The following TOM1 variants were observed in gnomAD, a reference collection of about 807,000 sequenced individuals.
TOM1 encodes the protein target of myb1 membrane trafficking protein.
A neutral mutation model predicts 61.3 loss-of-function variants in TOM1; 38 were observed. The ratio of observed to expected loss-of-function variants is 0.62; its 90% CI spans 0.48 to 0.81. TOM1 has a LOEUF of 0.81. TOM1 is among the 40% of genes least tolerant of loss of function. The pLI is 0.00. For synonymous variants in TOM1, 270 were observed against 268.8 expected (o/e 1.00, Z -0.04); for missense variants, 591 against 659.6 (o/e 0.90, Z 1.14).
intron 1 of TOM1, 93 bp downstream of exon 1, chr22:35,300,073 A>T (rs1465417443): frequency 7.1e-6 from 10 of 1,417,490 alleles, no homozygotes; most frequent in Non-Finnish European, 9.6e-6. Context: ...TCACGGAGGC[A>T]GGGAGGGCAA....
At chr22:35,300,054 G>C in intron 1 of TOM1, 74 bp downstream of exon 1, 27 of 1,517,028 alleles carry the variant, frequency 1.8e-5, no homozygotes, top group Middle Eastern at 1.8e-4. Flanking sequence ...GAAGCCTCCG[G>C]GTGCCTAGTC....
chr22:35,333,655 C>T (rs1168435298), intron 10 of TOM1, among the ~76,000 whole-genome samples, 158 bp downstream of exon 10: 1 of 152,186 alleles, frequency 6.6e-6, no homozygotes, highest in Non-Finnish European at 1.5e-5. Flanking sequence ...CAAGGTGGGG[C>T]ACTCGGGGTC....
chr22:35,323,353 C>G lies in TOM1; in HGVS notation c.367-143C>G. 7.4e-7 allele frequency: 1 copy of G among 1,352,418 alleles called. No homozygotes were observed. Among genetic ancestry groups the G allele is most frequent in the Non-Finnish European group, 1.0e-6 (1 of 988,420 alleles). 83.8% of individuals were successfully genotyped at this position (1,352,418 alleles called of 1,614,324 possible). A position where few individuals can be genotyped will look rare whatever the true frequency, so the allele number is the denominator to read the frequency against. ...GGGAGGGAGGCTTGCCAACTGCGTGCTTTGCTGTGGAGTGGGCAGGGCAGA... is the reference window on the plus strand; with the variant it reads ...GGGAGGGAGGCTTGCCAACTGCGTGGTTTGCTGTGGAGTGGGCAGGGCAGA... On this transcript the variant is annotated intron_variant, in intron 4 of 14. Coordinates refer to ENST00000449058, the MANE Select transcript of TOM1 (RefSeq NM_005488.3). The surrounding 1 kb of genome is among the most constrained non-coding windows in gnomAD (Gnocchi z 4.2).
intron 6 of TOM1, among the ~76,000 whole-genome samples, chr22:35,326,877 G>A (rs1928365360): frequency 6.6e-6 from 1 of 152,130 alleles, no homozygotes; most frequent in African/African-American, 2.4e-5. Context: ...GGAGGAGAGA[G>A]AGAGGGCAGA....
intron 7 of TOM1, among the ~76,000 whole-genome samples, chr22:35,327,725 C>T (rs739015): frequency 0.054 from 8,238 of 152,248 alleles, 282 homozygotes; most frequent in Non-Finnish European, 0.075. Flanking sequence ...GTAAAGCACC[C>T]AGTAAGGGGT....
In TOM1 at chr22:35,328,743, C is replaced by T. The variant is rs562588594; in HGVS notation, c.765+1356C>T. Among the ~76,000 whole-genome samples, 454 of 152,292 alleles carry T rather than the reference C, an allele frequency of 3.0e-3. 1 individual carries two copies. Among genetic ancestry groups the T allele is most frequent in the Non-Finnish European group, 4.4e-3 (300 of 68,032 alleles). ...GGGGCAGGGGACAGGGTCCACATGACAGCCAAAATAAACACTGGGCAGTGC... is the reference window on the plus strand; with the variant it reads ...GGGGCAGGGGACAGGGTCCACATGATAGCCAAAATAAACACTGGGCAGTGC... On this transcript the variant is annotated intron_variant, in intron 7 of 14. Coordinates refer to ENST00000449058, the MANE Select transcript of TOM1 (RefSeq NM_005488.3).
chr22:35,323,349 CG>C lies in TOM1; in HGVS notation c.367-146del. 1 of 1,344,652 alleles carries C rather than the reference CG, an allele frequency of 7.4e-7. No homozygotes were observed. Among genetic ancestry groups the C allele is most frequent in the Non-Finnish European group, 1.0e-6 (1 of 982,196 alleles). 83.3% of individuals were successfully genotyped at this position (1,344,652 alleles called of 1,614,324 possible). ...TGTGGGGAGGGAGGCTTGCCAACTG[CG>C]TGCTTTGCTGTGGAGTGGGCAGGGC... On this transcript the variant is annotated intron_variant, in intron 4 of 14. Coordinates refer to ENST00000449058, the MANE Select transcript of TOM1 (RefSeq NM_005488.3). The surrounding 1 kb of genome is among the most constrained non-coding windows in gnomAD (Gnocchi z 4.2).
chr22:35,343,436 C>T (rs1428746007), intron 12 of TOM1, among the ~76,000 whole-genome samples: 1 of 116,630 alleles, frequency 8.6e-6, no homozygotes. Flanking sequence ...CACATATCTA[C>T]ACCCACCACA....
rs183695432 is a variant in TOM1, at chr22:35,346,625, G to A, written c.1285-305G>A. On this transcript the variant is annotated intron_variant, in intron 13 of 14. Coordinates refer to ENST00000449058, the MANE Select transcript of TOM1 (RefSeq NM_005488.3). ...CTGGGCACCAGGTGCTGGGCTTGGCGTGCTGTGTGTTATCCCATTTCAGCT... is the reference window on the plus strand; with the variant it reads ...CTGGGCACCAGGTGCTGGGCTTGGCATGCTGTGTGTTATCCCATTTCAGCT... 4.0e-3 allele frequency among the ~76,000 whole-genome samples: 610 copies of A among 152,298 alleles called. 4 individuals are homozygous for A. Among genetic ancestry groups the A allele is most frequent in the African/African-American group, 0.013 (555 of 41,574 alleles).
rs947399208 is a variant in TOM1, at chr22:35,338,461, T to A, written c.1149-252T>A. On this transcript the variant is annotated intron_variant, in intron 11 of 14. Coordinates refer to ENST00000449058, the MANE Select transcript of TOM1 (RefSeq NM_005488.3). Reference sequence around the variant, plus strand: ...TCCTGAGTTTGGCCAATCCTGGTCATAGCCATTGGTGGTCTTGGTCTCAGT... The same window carrying A: ...TCCTGAGTTTGGCCAATCCTGGTCAAAGCCATTGGTGGTCTTGGTCTCAGT... Among the ~76,000 whole-genome samples, 4 of 152,194 alleles carry A rather than the reference T, an allele frequency of 2.6e-5. No individual in the cohort carries two copies. The East Asian group carries it at 5.8e-4, about 22-fold the overall frequency.
intron 2 of TOM1, among the ~76,000 whole-genome samples, chr22:35,321,124 A>G (rs1432853740): frequency 6.6e-6 from 1 of 151,756 alleles, no homozygotes; most frequent in Non-Finnish European, 1.5e-5. Context: ...CCGAGGTGGG[A>G]GAATCATTTG....
intron 2 of TOM1, 89 bp from the exon 3 acceptor site, chr22:35,321,870 C>A: frequency 9.1e-7 from 1 of 1,096,082 alleles, no homozygotes; most frequent in Non-Finnish European, 1.4e-6. Flanking sequence ...GAGGATGGGC[C>A]AATAAGAACT....
At chr22:35,312,196 A>G (rs565254933) in intron 1 of TOM1, among the ~76,000 whole-genome samples, 34 of 151,574 alleles carry the variant, frequency 2.2e-4, no homozygotes, top group African/African-American at 7.7e-4. Context: ...GTGAGCCGAG[A>G]TCGCACCACT....
At chr22:35,339,949 G>A (rs1289347415) in intron 12 of TOM1, among the ~76,000 whole-genome samples, 3 of 151,610 alleles carry the variant, frequency 2.0e-5, no homozygotes, top group African/African-American at 4.8e-5. Flanking sequence ...GGAGAAATGC[G>A]AGGGTGCTCT....
chr22:35,341,491 C>A (rs977587026), intron 12 of TOM1, among the ~76,000 whole-genome samples: 2 of 152,158 alleles, frequency 1.3e-5, no homozygotes, highest in Non-Finnish European at 2.9e-5. Context: ...TCTCCCTCCT[C>A]AGCCTCAGGC....
chr22:35,339,643 G>A (rs759540727), intron 12 of TOM1, among the ~76,000 whole-genome samples: 2 of 152,106 alleles, frequency 1.3e-5, no homozygotes, highest in East Asian at 3.9e-4. Context: ...AGTGGCTCAC[G>A]CCTGTAATCC....
In TOM1 at chr22:35,306,914, A is replaced by G. The variant is rs1601663920; in HGVS notation, c.52+6934A>G. 4.6e-5 allele frequency among the ~76,000 whole-genome samples: 7 copies of G among 152,332 alleles called. No homozygotes were observed. In the Middle Eastern group the frequency reaches 0.024, roughly 518 times the overall value. On this transcript the variant is annotated intron_variant, in intron 1 of 14. Transcript: ENST00000449058. ...AGGCTGTGGGGAGGAGCAGATTCTT[A>G]CTTGGAAATTAAGGCCTTTGCCTTC...
At chr22:35,309,990 T>C (rs1346411822) in intron 1 of TOM1, among the ~76,000 whole-genome samples, 1 of 152,170 alleles carries the variant, frequency 6.6e-6, no homozygotes, top group Non-Finnish European at 1.5e-5. Flanking sequence ...GGGAGCATCT[T>C]CCACAACTAT....
intron 1 of TOM1, among the ~76,000 whole-genome samples, chr22:35,307,549 C>T (rs748865489): frequency 1.2e-4 from 18 of 152,184 alleles, no homozygotes; most frequent in Non-Finnish European, 1.9e-4. Context: ...CTGTGTCCCC[C>T]AGGTCTCCTC....
Sources: allele counts gnomAD v4.1 joint callset (sites outside exome capture counted in the v4.1 genomes callset), GRCh38; gene constraint gnomAD v4.1.1; non-coding constraint Gnocchi (gnomAD v3.1); transcripts MANE v1.5; gene names NCBI Gene and HGNC (gene_info 2026-07-23, HGNC 2026-07-21).